CSMD1: variants seen among roughly 807,000 people sequenced by gnomAD.
CSMD1 encodes the protein CUB and sushi domain-containing protein 1.
Under a neutral mutation model 417.5 loss-of-function variants are expected in CSMD1, and 213 were observed. That is an observed-to-expected ratio of 0.51 (90% CI 0.46 to 0.57). CSMD1 has a LOEUF of 0.57. Ranked by LOEUF, CSMD1 falls within the 20% of genes least tolerant of loss-of-function variation. The pLI is 0.00. For missense variants in CSMD1, 6,923 were observed against 4,529.7 expected (o/e 1.53, Z -15.17); for synonymous variants, 2,862 against 1,736.8 (o/e 1.65, Z -16.11).
chr8:3,111,374 A>C (rs113673384), intron 42 of CSMD1, among the ~76,000 whole-genome samples: 306 of 152,276 alleles, frequency 2.0e-3, no homozygotes, highest in African/African-American at 7.0e-3. Context: ...CTGTATGTAG[A>C]GACTACTTTA....
Position 3,968,174 on chromosome 8 carries a change from G to C in CSMD1, c.818+29729C>G, listed in dbSNP as rs554831496. On this transcript the variant is annotated intron_variant, in intron 5 of 69. Transcript: ENST00000635120. ...TGCACTCCAGCCTGGGTGACAGAGC[G>C]AGACTCCGTCTCAAATAATAATAAT... 2.8e-5 allele frequency among the ~76,000 whole-genome samples: 4 copies of C among 142,586 alleles called. No homozygotes were observed. The East Asian group carries it at 6.4e-4, about 23-fold the overall frequency. The allele number at this position is 142,586 out of a possible 152,430, so 93.5% of individuals were successfully genotyped here.
intron 37 of CSMD1, among the ~76,000 whole-genome samples, chr8:3,172,466 C>T (rs1320035581): frequency 6.6e-6 from 1 of 152,104 alleles, no homozygotes; most frequent in Non-Finnish European, 1.5e-5. Flanking sequence ...AACCTATAAC[C>T]AGATTTAGGT....
intron 7 of CSMD1, among the ~76,000 whole-genome samples, chr8:3,678,248 G>T (rs955694288): frequency 6.6e-6 from 1 of 152,146 alleles, no homozygotes; most frequent in African/African-American, 2.4e-5. Context: ...CGAGCTAAAG[G>T]AGGAAGTTCG....
At chr8:4,397,521 C>CTTTTTTTTTTTTTTTTTTTTTTTTT (rs1804326244) in intron 3 of CSMD1, among the ~76,000 whole-genome samples, 1 of 120,142 alleles carries the variant, frequency 8.3e-6, no homozygotes, top group African/African-American at 3.2e-5. Context: ...AAGCCTGAGA[C>CTTTTTTTTTTTTTTTTTTTTTTTTT]TCTTTTTTTT....
At chr8:3,744,921 G>GTAGA (rs1796993335) in intron 6 of CSMD1, among the ~76,000 whole-genome samples, 1 of 152,192 alleles carries the variant, frequency 6.6e-6, no homozygotes, top group Non-Finnish European at 1.5e-5. Flanking sequence ...TGGGCCTGAA[G>GTAGA]CAGACTGAGG....
chr8:4,490,135 A>C (rs772156009), intron 2 of CSMD1, among the ~76,000 whole-genome samples: 3 of 148,536 alleles, frequency 2.0e-5, no homozygotes, highest in Non-Finnish European at 1.5e-5. Context: ...CTGCCTCCTG[A>C]GTTCAAGTGA....
intron 1 of CSMD1, among the ~76,000 whole-genome samples, chr8:4,872,883 G>T (rs372734257): frequency 6.6e-6 from 1 of 151,966 alleles, no homozygotes; most frequent in Non-Finnish European, 1.5e-5. Flanking sequence ...AGTAGTACTG[G>T]CGAATACTTT....
intron 3 of CSMD1, among the ~76,000 whole-genome samples, chr8:4,193,963 C>G (rs374668845): frequency 2.0e-5 from 3 of 151,948 alleles, no homozygotes; most frequent in East Asian, 3.9e-4. Context: ...AATTTATATT[C>G]TTTCCTAAGT....
chr8:3,645,754 G>T (rs772392880), intron 7 of CSMD1, among the ~76,000 whole-genome samples: 1 of 152,142 alleles, frequency 6.6e-6, no homozygotes, highest in African/African-American at 2.4e-5. Flanking sequence ...CAAAAGTTAG[G>T]TTATTATAAG....
intron 2 of CSMD1, among the ~76,000 whole-genome samples, chr8:4,573,888 C>T (rs1471681146): frequency 6.6e-6 from 1 of 152,138 alleles, no homozygotes; most frequent in East Asian, 1.9e-4. Flanking sequence ...GCGTTCTGCC[C>T]AGTTCAAACT....
At chr8:4,299,304 C>T (rs1345177275) in intron 3 of CSMD1, among the ~76,000 whole-genome samples, 2 of 152,140 alleles carry the variant, frequency 1.3e-5, no homozygotes, top group East Asian at 3.9e-4. Flanking sequence ...CCATCACCCC[C>T]AGAGAACGCA....
chr8:4,086,724 T>C (rs1359339343), intron 3 of CSMD1, among the ~76,000 whole-genome samples: 2 of 152,230 alleles, frequency 1.3e-5, no homozygotes, highest in Admixed American at 6.5e-5. Flanking sequence ...ATAGATGACA[T>C]TGACAAGTAT....
intron 25 of CSMD1, among the ~76,000 whole-genome samples, chr8:3,291,072 T>A (rs147607403): frequency 8.6e-5 from 13 of 152,036 alleles, no homozygotes; most frequent in African/African-American, 2.7e-4. Flanking sequence ...TTCTGCATCT[T>A]TTGAGATAAT....
chr8:4,232,832 TTTA>T lies in CSMD1; in HGVS notation c.415+187118_415+187120del, dbSNP rs1801824344. ...TCGAAATCTAAAAGACAAACATTACTTTATTTATTTATTTATATATTTATTTTA... is the reference window on the plus strand; with the variant it reads ...TCGAAATCTAAAAGACAAACATTACTTTTATTTATTTATATATTTATTTTA... On this transcript the variant is annotated intron_variant, in intron 3 of 69. Coordinates refer to ENST00000635120, the MANE Select transcript of CSMD1 (RefSeq NM_033225.6). Among the ~76,000 whole-genome samples the T allele has an allele frequency of 2.0e-5, 3 of 152,052 alleles. No individual in the cohort carries two copies. In the South Asian group the frequency reaches 6.2e-4, roughly 31 times the overall value.
At chr8:3,695,907 T>A (rs1800528266) in intron 7 of CSMD1, among the ~76,000 whole-genome samples, 1 of 152,250 alleles carries the variant, frequency 6.6e-6, no homozygotes, top group Non-Finnish European at 1.5e-5. Context: ...GATATCTTTC[T>A]AATTATTTTC....
intron 2 of CSMD1, among the ~76,000 whole-genome samples, chr8:4,545,616 G>A (rs1735274811): frequency 6.6e-6 from 1 of 152,310 alleles, no homozygotes; most frequent in South Asian, 2.1e-4. Flanking sequence ...TAGAGAAAAA[G>A]TGGTTGGCTG....
chr8:4,854,652 G>C (rs1044979911), intron 1 of CSMD1, among the ~76,000 whole-genome samples: 1 of 151,994 alleles, frequency 6.6e-6, no homozygotes, highest in Admixed American at 6.6e-5. Flanking sequence ...AAGGGGTGAC[G>C]GACAGCACCT....
chr8:4,779,493 G>A (rs10081535), intron 1 of CSMD1, among the ~76,000 whole-genome samples: 12,577 of 151,920 alleles, frequency 0.083, 663 homozygotes, highest in East Asian at 0.28. Context: ...ATTTCCCTAT[G>A]CAGAGTCCTA....
intron 5 of CSMD1, among the ~76,000 whole-genome samples, chr8:3,997,517 G>A (rs1232846789): frequency 6.6e-6 from 1 of 152,154 alleles, no homozygotes; most frequent in African/African-American, 2.4e-5. Context: ...TCATATATCT[G>A]CAGCAGTCTG....
Sources: allele counts gnomAD v4.1 joint callset (sites outside exome capture counted in the v4.1 genomes callset), GRCh38; gene constraint gnomAD v4.1.1; transcripts MANE v1.5; gene names NCBI Gene and HGNC (gene_info 2026-07-23, HGNC 2026-07-21).